The following CNBD1 variants were observed in gnomAD, a reference collection of about 807,000 sequenced individuals.
The protein encoded by CNBD1 is cyclic nucleotide-binding domain-containing protein 1.
Under a neutral mutation model 54.4 loss-of-function variants are expected in CNBD1, and 71 were observed. That is an observed-to-expected ratio of 1.30 (90% CI 1.08 to 1.59). CNBD1 has a LOEUF of 1.59. Among genes scored for constraint, CNBD1 ranks in the 40% most tolerant of loss-of-function variants. CNBD1 has a pLI of 0.00. For missense variants in CNBD1, 659 were observed against 518.0 expected (o/e 1.27, Z -2.64); for synonymous variants, 182 against 170.7 (o/e 1.07, Z -0.51).
At chr8:86,984,738 G>C (rs1563847791) in intron 4 of CNBD1, among the ~76,000 whole-genome samples, 3 of 152,062 alleles carry the variant, frequency 2.0e-5, no homozygotes, top group South Asian at 2.1e-4. Flanking sequence ...ATTTGGAATG[G>C]GTATATTTAC....
chr8:86,956,231 T>C (rs565354327), intron 4 of CNBD1, among the ~76,000 whole-genome samples: 2 of 152,316 alleles, frequency 1.3e-5, no homozygotes, highest in East Asian at 1.9e-4. Context: ...TTGGTTACTG[T>C]AGCCTTGTAG....
chr8:86,920,633 A>G (rs1356250951), intron 3 of CNBD1, among the ~76,000 whole-genome samples: 4 of 152,172 alleles, frequency 2.6e-5, no homozygotes, highest in Non-Finnish European at 5.9e-5. Context: ...TCTGTTGGGA[A>G]TGTTTCTCAT....
intron 6 of CNBD1, among the ~76,000 whole-genome samples, chr8:87,240,961 C>T (rs1807686081): frequency 6.6e-6 from 1 of 152,086 alleles, no homozygotes; most frequent in African/African-American, 2.4e-5. Context: ...TAGCTGGATA[C>T]TTTTTGTGGG....
At chr8:86,999,140 G>C (rs1482972580) in intron 4 of CNBD1, among the ~76,000 whole-genome samples, 2 of 152,334 alleles carry the variant, frequency 1.3e-5, no homozygotes, top group East Asian at 3.9e-4. Flanking sequence ...GGGCAGGGAA[G>C]GTTGACATTC....
At chr8:87,332,073 C>T (rs948599426) in intron 8 of CNBD1, among the ~76,000 whole-genome samples, 5 of 152,058 alleles carry the variant, frequency 3.3e-5, no homozygotes, top group African/African-American at 7.2e-5. Context: ...TAAGGCTGGG[C>T]GTTGGGGCTC....
rs567945165 is a variant in CNBD1 at position 87,307,283 on chromosome 8, T to A, written c.1042+20612T>A. 2.6e-5 allele frequency among the ~76,000 whole-genome samples: 4 copies of A among 152,326 alleles called. No homozygotes were observed. In the East Asian group the frequency reaches 7.7e-4, roughly 29 times the overall value. ...ACTATTGTGAAGAACACAATTTAAC[T>A]GGCATTAATTGACGTACATGAGGAT... On this transcript the variant is annotated intron_variant, in intron 8 of 10. Transcript: ENST00000518476.
chr8:87,004,560 T>C (rs1224172494), intron 4 of CNBD1, among the ~76,000 whole-genome samples: 2 of 151,730 alleles, frequency 1.3e-5, no homozygotes, highest in Admixed American at 1.3e-4. Context: ...AAAAACCCTG[T>C]AATTTTACTC....
At chr8:86,916,129 T>G (rs1458393482) in intron 3 of CNBD1, among the ~76,000 whole-genome samples, 2 of 152,152 alleles carry the variant, frequency 1.3e-5, no homozygotes, top group Non-Finnish European at 2.9e-5. Flanking sequence ...GTGGCAAATC[T>G]GTTCGGGTCT....
intron 10 of CNBD1, among the ~76,000 whole-genome samples, chr8:87,381,359 A>G (rs1043404341): frequency 6.6e-6 from 1 of 152,006 alleles, no homozygotes; most frequent in African/African-American, 2.4e-5. Context: ...AGCATTGCTT[A>G]TATTTAAAAA....
At chr8:87,085,446 T>C (rs1351086129) in intron 4 of CNBD1, among the ~76,000 whole-genome samples, 1 of 152,162 alleles carries the variant, frequency 6.6e-6, no homozygotes, top group East Asian at 1.9e-4. Context: ...TATTTGTGTC[T>C]AGAAGTGGGG....
Position 87,342,044 on chromosome 8 carries a change from C to T in CNBD1, c.1043-9641C>T, listed in dbSNP as rs112523814. 2.5e-4 allele frequency among the ~76,000 whole-genome samples: 38 copies of T among 152,158 alleles called. 1 individual carries two copies. Among genetic ancestry groups the T allele is most frequent in the African/African-American group, 4.1e-4 (17 of 41,518 alleles). ...ATCCTAGCACTTTGGGAGGCCGAGGCGGGCAGATCACAAGGTCAGGAGATC... is the reference window on the plus strand; with the variant it reads ...ATCCTAGCACTTTGGGAGGCCGAGGTGGGCAGATCACAAGGTCAGGAGATC... On this transcript the variant is annotated intron_variant, in intron 8 of 10. Transcript: ENST00000518476.
At chr8:87,106,917 C>G (rs1811551124) in intron 4 of CNBD1, among the ~76,000 whole-genome samples, 1 of 151,266 alleles carries the variant, frequency 6.6e-6, no homozygotes, top group Non-Finnish European at 1.5e-5. Context: ...GCAACCTCCA[C>G]CTCCCAAGTT....
At chr8:86,913,392 A>G (rs1025722011) in intron 3 of CNBD1, among the ~76,000 whole-genome samples, 1 of 152,100 alleles carries the variant, frequency 6.6e-6, no homozygotes, top group Non-Finnish European at 1.5e-5. Flanking sequence ...TACCATTGTT[A>G]TCGGGGGAAC....
At position 87,354,591 on chromosome 8, in the gene CNBD1, G is replaced by GT. The variant is rs567750046; in HGVS notation, c.1303+807dup. On this transcript the variant is annotated intron_variant, in intron 10 of 10. Coordinates refer to ENST00000518476, the MANE Select transcript of CNBD1 (RefSeq NM_173538.3). ...CCCACAACTGTCCCTGGTGTGTGATGTTCCCCTTCCTGTGTCCATGTGTTC... is the reference window on the plus strand; with the variant it reads ...CCCACAACTGTCCCTGGTGTGTGATGTTTCCCCTTCCTGTGTCCATGTGTTC... Among the ~76,000 whole-genome samples, 424 of 149,598 alleles carry GT rather than the reference G, an allele frequency of 2.8e-3. 3 individuals are homozygous for GT. Among genetic ancestry groups the GT allele is most frequent in the African/African-American group, 9.1e-3 (368 of 40,654 alleles).
At chr8:87,347,773 C>G (rs761128524) in intron 8 of CNBD1, among the ~76,000 whole-genome samples, 18 of 152,040 alleles carry the variant, frequency 1.2e-4, no homozygotes, top group Non-Finnish European at 2.4e-4. Flanking sequence ...CTTACATTGC[C>G]TGCTGAGAAG....
intron 1 of CNBD1, among the ~76,000 whole-genome samples, chr8:86,876,552 T>C (rs1808523698): frequency 6.6e-6 from 1 of 151,804 alleles, no homozygotes; most frequent in Non-Finnish European, 1.5e-5. Flanking sequence ...GTTTTATAAA[T>C]TTATTCATTG....
intron 10 of CNBD1, among the ~76,000 whole-genome samples, chr8:87,377,942 A>G (rs1810986445): frequency 1.4e-5 from 2 of 147,254 alleles, no homozygotes; most frequent in South Asian, 2.1e-4. Context: ...TTGGCTGCAT[A>G]AATGTCTTCT....
At chr8:87,060,442 A>T (rs769169844) in intron 4 of CNBD1, among the ~76,000 whole-genome samples, 19 of 152,224 alleles carry the variant, frequency 1.2e-4, no homozygotes, top group Non-Finnish European at 2.5e-4. Context: ...CTTTAATTTT[A>T]TTATAGGAGA....
In CNBD1 at chr8:87,416,120, T is replaced by C. The variant is rs545258899; in HGVS notation, c.214-12426T>C. On this transcript the variant is annotated intron_variant, in intron 2 of 7. Transcript: ENST00000521593. The stretch of plus-strand genomic sequence containing the variant: ...ATTATATAACAATTTCATATTTGTA[T>C]ATTTTTAACAATATATCTTCAAACC... Among the ~76,000 whole-genome samples, 483 of 152,140 alleles carry C rather than the reference T, an allele frequency of 3.2e-3. 2 individuals carry two copies. The highest frequency in any genetic ancestry group is 0.011 in the African/African-American group (451 of 41,554).
Sources: allele counts gnomAD v4.1 joint callset (sites outside exome capture counted in the v4.1 genomes callset), GRCh38; gene constraint gnomAD v4.1.1; transcripts MANE v1.5; gene names NCBI Gene and HGNC (gene_info 2026-07-23, HGNC 2026-07-21).